The following RBFOX1 variants were observed in gnomAD, a reference collection of about 807,000 sequenced individuals.
RBFOX1 encodes the protein RNA binding fox-1 homolog 1.
In RBFOX1, 8 loss-of-function variants were observed where a neutral mutation model predicts 57.7. The observed-to-expected ratio is 0.14, with a 90% CI of 0.08 to 0.25. The LOEUF (loss-of-function observed/expected upper bound fraction) is 0.25, where lower values mean the gene tolerates loss of function less well. Ranked by LOEUF, RBFOX1 falls within the 10% of genes least tolerant of loss-of-function variation. The pLI is 1.00. For synonymous variants in RBFOX1, 326 were observed against 222.4 expected (o/e 1.47, Z -4.15); for missense variants, 611 against 548.5 (o/e 1.11, Z -1.14).
At chr16:5,658,175 A>G (rs1395931047) in intron 3 of RBFOX1, among the ~76,000 whole-genome samples, 1 of 152,196 alleles carries the variant, frequency 6.6e-6, no homozygotes, top group African/African-American at 2.4e-5. Context: ...AGAGGAAATG[A>G]AGAAAGGCTC....
chr16:5,309,701 C>T (rs2064032503), intron 1 of RBFOX1, among the ~76,000 whole-genome samples: 1 of 152,056 alleles, frequency 6.6e-6, no homozygotes, highest in African/African-American at 2.4e-5. Flanking sequence ...TTGGTAATGT[C>T]ATTTAGTGCT....
At chr16:5,639,053 C>G (rs551564003) in intron 3 of RBFOX1, among the ~76,000 whole-genome samples, 2 of 152,352 alleles carry the variant, frequency 1.3e-5, no homozygotes, top group Middle Eastern at 3.4e-3. Context: ...GTCCTCTTCA[C>G]TAACCCCACC....
At chr16:7,134,324 A>C (rs933209079) in intron 4 of RBFOX1, among the ~76,000 whole-genome samples, 1 of 152,190 alleles carries the variant, frequency 6.6e-6, no homozygotes, top group African/African-American at 2.4e-5. Context: ...AAAGTAGACT[A>C]AGTGATGATA....
At chr16:7,460,906 G>A (rs968288190) in intron 4 of RBFOX1, among the ~76,000 whole-genome samples, 4 of 152,108 alleles carry the variant, frequency 2.6e-5, no homozygotes, top group East Asian at 1.9e-4. Context: ...CTAGTGATAT[G>A]AAAATGGCTG....
At chr16:5,889,837 G>A (rs776592255) in intron 4 of RBFOX1, among the ~76,000 whole-genome samples, 2 of 152,190 alleles carry the variant, frequency 1.3e-5, no homozygotes, top group Non-Finnish European at 2.9e-5. Context: ...GCCTGTAGTC[G>A]AGTGGTTTTT....
At chr16:6,371,135 G>T (rs1174039084) in intron 2 of RBFOX1, among the ~76,000 whole-genome samples, 1 of 152,124 alleles carries the variant, frequency 6.6e-6, no homozygotes, top group African/African-American at 2.4e-5. Flanking sequence ...ATGTCTCTCA[G>T]ATATCTCCAG....
In RBFOX1 at chr16:5,683,086, A is replaced by G. The variant is rs888376086; in HGVS notation, c.318+84125A>G. 6.8e-5 allele frequency among the ~76,000 whole-genome samples: 9 copies of G among 132,582 alleles called. No homozygotes were observed. The East Asian group carries it at 2.2e-3, about 33-fold the overall frequency. 87.0% of individuals were successfully genotyped at this position (132,582 alleles called of 152,430 possible). ...GATTTACTGAGATAAAGACTGGACA[A>G]TGCTTTGTTTTTGCTAAGGTCTTGC... On this transcript the variant is annotated intron_variant, in intron 3 of 19. Transcript: ENST00000641259.
At chr16:5,462,993 G>C (rs1287949136) in intron 1 of RBFOX1, among the ~76,000 whole-genome samples, 1 of 152,190 alleles carries the variant, frequency 6.6e-6, no homozygotes, top group Non-Finnish European at 1.5e-5. Context: ...TTTATAAAAA[G>C]AAAGTGAGCA....
intron 4 of RBFOX1, among the ~76,000 whole-genome samples, chr16:7,125,147 G>A (rs12446089): frequency 1.1e-4 from 16 of 152,222 alleles, no homozygotes; most frequent in South Asian, 6.2e-4. Context: ...GGAAGAAAGA[G>A]GTAACACTGC....
intron 2 of RBFOX1, among the ~76,000 whole-genome samples, chr16:6,518,875 C>T (rs1353480771): frequency 1.3e-5 from 2 of 151,784 alleles, no homozygotes; most frequent in Non-Finnish European, 2.9e-5. Context: ...AGCAAACGTG[C>T]CCCGTTCTTC....
At chr16:6,804,191 G>T (rs1217790746) in intron 3 of RBFOX1, among the ~76,000 whole-genome samples, 6 of 151,962 alleles carry the variant, frequency 3.9e-5, no homozygotes, top group Non-Finnish European at 5.9e-5. Context: ...TGTATTTTTA[G>T]TAGAGATGGG....
intron 11 of RBFOX1, among the ~76,000 whole-genome samples, chr16:7,634,285 T>G (rs1176674296): frequency 6.6e-6 from 1 of 152,206 alleles, no homozygotes; most frequent in African/African-American, 2.4e-5. Flanking sequence ...CTTTTGTATG[T>G]TGGATCCTAT....
intron 1 of RBFOX1, among the ~76,000 whole-genome samples, chr16:6,272,552 C>T (rs889771999): frequency 6.6e-5 from 10 of 152,228 alleles, no homozygotes; most frequent in African/African-American, 2.4e-4. Flanking sequence ...CTGTAAAAAT[C>T]CCGGTAAGCT....
At chr16:7,561,365 G>T (rs1263231515) in intron 5 of RBFOX1, among the ~76,000 whole-genome samples, 2 of 152,188 alleles carry the variant, frequency 1.3e-5, no homozygotes, top group African/African-American at 4.8e-5. Context: ...TAGATGAAGA[G>T]ACAAGTAGAA....
At chr16:6,362,781 C>T (rs1387578328) in intron 2 of RBFOX1, among the ~76,000 whole-genome samples, 2 of 152,154 alleles carry the variant, frequency 1.3e-5, no homozygotes, top group African/African-American at 4.8e-5. Context: ...TTGAATTTTG[C>T]CGTTATAGCC....
At chr16:5,356,136 G>T (rs1408325455) in intron 1 of RBFOX1, among the ~76,000 whole-genome samples, 1 of 152,110 alleles carries the variant, frequency 6.6e-6, no homozygotes, top group Non-Finnish European at 1.5e-5. Flanking sequence ...GCACAGAGGG[G>T]AAGGCCGTGT....
At chr16:7,419,302 A>G (rs985127119) in intron 4 of RBFOX1, among the ~76,000 whole-genome samples, 2 of 152,134 alleles carry the variant, frequency 1.3e-5, no homozygotes, top group African/African-American at 4.8e-5. Context: ...TCATTGCAAC[A>G]GTGACACTCC....
intron 4 of RBFOX1, among the ~76,000 whole-genome samples, chr16:7,453,919 C>A (rs1414477933): frequency 1.3e-5 from 2 of 152,144 alleles, no homozygotes; most frequent in Non-Finnish European, 2.9e-5. Context: ...AAGTGTTGGT[C>A]TTCTGGTAGG....
chr16:5,345,138 G>T (rs2065113427), intron 1 of RBFOX1, among the ~76,000 whole-genome samples: 1 of 152,070 alleles, frequency 6.6e-6, no homozygotes, highest in South Asian at 2.1e-4. Flanking sequence ...TCGACCCTCT[G>T]TGAACTGCTT....
Sources: gnomAD v4.1 joint callset for allele counts (sites outside exome capture counted in the v4.1 genomes callset) on GRCh38, gnomAD v4.1.1 for gene constraint, MANE v1.5 for transcripts, NCBI Gene and HGNC (gene_info 2026-07-23, HGNC 2026-07-21) for gene names.